Variants in ANKRD36C observed in about 807,000 individuals in gnomAD.
ANKRD36C encodes ankyrin repeat domain 36C.
Under a neutral mutation model 276.4 loss-of-function variants are expected in ANKRD36C, and 61 were observed. The observed-to-expected ratio is 0.22, with a 90% CI of 0.18 to 0.27. The LOEUF is 0.27. Among genes scored for constraint, ANKRD36C ranks in the 10% least tolerant of loss-of-function variants. The pLI, the probability that ANKRD36C is intolerant of heterozygous loss-of-function variation, is 1.00. For missense variants in ANKRD36C, 1,447 were observed against 2,032.3 expected, an observed-to-expected ratio of 0.71 and a Z score of 5.54; for synonymous variants, 483 against 680.1, an observed-to-expected ratio of 0.71 and a Z score of 4.51.
chr2:95,894,947 C>T (rs2104362755), intron 44 of ANKRD36C, among the ~76,000 whole-genome samples: 1 of 150,176 alleles, frequency 6.7e-6, no homozygotes, highest in African/African-American at 2.4e-5. Flanking sequence ...CACAATCCGT[C>T]TTCATTCGGA....
chr2:95,978,642 G>A (rs1025545166), intron 5 of ANKRD36C, among the ~76,000 whole-genome samples: 9 of 152,040 alleles, frequency 5.9e-5, no homozygotes, highest in East Asian at 1.9e-4. Context: ...GAACTTTATC[G>A]CTGAAACTAT....
At chr2:95,859,429 T>A (rs1293372385) in intron 61 of ANKRD36C, among the ~76,000 whole-genome samples, 1 of 152,116 alleles carries the variant, frequency 6.6e-6, no homozygotes, top group African/African-American at 2.4e-5. Context: ...TAAGAACAAT[T>A]TAGAAATATT....
chr2:95,856,974 T>C (rs979999779), intron 62 of ANKRD36C, among the ~76,000 whole-genome samples: 2 of 152,150 alleles, frequency 1.3e-5, no homozygotes, highest in Non-Finnish European at 1.5e-5. Context: ...TATTTGCTAT[T>C]GTGATAACTT....
At chr2:95,882,725 C>T (rs370751210) in intron 54 of ANKRD36C, among the ~76,000 whole-genome samples, 23 of 152,086 alleles carry the variant, frequency 1.5e-4, no homozygotes, top group East Asian at 7.8e-4. Context: ...AGGTATTATG[C>T]GTCATGTGTG....
At chr2:95,965,864 A>G (rs902969240) in intron 6 of ANKRD36C, among the ~76,000 whole-genome samples, 3 of 152,142 alleles carry the variant, frequency 2.0e-5, no homozygotes, top group African/African-American at 7.2e-5. Flanking sequence ...AGGTTTTAAT[A>G]CACAAAATCA....
chr2:95,888,616 T>C (rs1270760008), intron 48 of ANKRD36C, among the ~76,000 whole-genome samples: 1 of 151,766 alleles, frequency 6.6e-6, no homozygotes, highest in African/African-American at 2.4e-5. Flanking sequence ...ACTTTACGTC[T>C]CTTCAGTGGA....
intron 42 of ANKRD36C, 47 bp downstream of exon 53, chr2:95,903,006 T>G: frequency 1.9e-6 from 3 of 1,572,094 alleles, no homozygotes; most frequent in Non-Finnish European, 2.6e-6. Flanking sequence ...GTATGCTTCA[T>G]AGACTATACA....
At chr2:95,983,717 A>C (rs1233766672) in intron 3 of ANKRD36C, among the ~76,000 whole-genome samples, 1 of 151,598 alleles carries the variant, frequency 6.6e-6, no homozygotes, top group Non-Finnish European at 1.5e-5. Context: ...TTCAAGCACG[A>C]GAAATTCTCC....
chr2:95,986,754 G>T (rs770726856), exon 3 of ANKRD36C: 1 of 1,610,900 alleles, frequency 6.2e-7, no homozygotes, highest in Admixed American at 1.7e-5. Flanking sequence ...CCTATACCTC[G>T]CTGCATTCTT....
rs528037888 is a variant in ANKRD36C at position 95,896,511 on chromosome 2, C to T, written c.2755+2634G>A. Among the ~76,000 whole-genome samples the T allele has an allele frequency of 1.6e-4, 24 of 149,934 alleles. No homozygotes were observed. In the South Asian group the frequency reaches 4.4e-3, roughly 27 times the overall value. ...AATAGCTATTTTATCCAAGAGGTAG[C>T]TCCTTGAACAAGGAAGCAAATTTAT... On this transcript the variant is annotated intron_variant, in intron 44 of 66. Coordinates refer to ENST00000456556, the Ensembl canonical transcript of ANKRD36C.
At chr2:95,927,733 T>TTA (rs1375475570) in intron 26 of ANKRD36C, among the ~76,000 whole-genome samples, 4 of 151,632 alleles carry the variant, frequency 2.6e-5, no homozygotes, top group African/African-American at 4.8e-5. Flanking sequence ...CACCTGAGAA[T>TTA]CAATGTCAAA....
At chr2:95,965,707 G>A (rs909383883) in intron 6 of ANKRD36C, among the ~76,000 whole-genome samples, 1 of 152,070 alleles carries the variant, frequency 6.6e-6, no homozygotes, top group Non-Finnish European at 1.5e-5. Context: ...TAAATATGCT[G>A]CAGTCATCAC....
intron 8 of ANKRD36C, 42 bp from the exon 9 acceptor site, chr2:95,960,709 T>A (rs1307686552): frequency 2.5e-6 from 2 of 808,370 alleles, no homozygotes; most frequent in African/African-American, 3.6e-5. Context: ...TATGTAAATA[T>A]GATAAAGTTA....
At chr2:95,856,131 A>G in exon 63 of ANKRD36C, 1 of 1,608,062 alleles carries the variant, frequency 6.2e-7, no homozygotes, top group Non-Finnish European at 8.5e-7. Flanking sequence ...TTCATCTTGC[A>G]TCAAGCGGTT....
intron 42 of ANKRD36C, 72 bp downstream of exon 44, chr2:95,912,172 C>G (rs566797226): frequency 2.4e-5 from 37 of 1,527,028 alleles, no homozygotes; most frequent in South Asian, 1.3e-4. Context: ...ACCAGCCCCC[C>G]ACTGATTTAT....
At chr2:95,981,236 T>A (rs1002697731) in intron 4 of ANKRD36C, among the ~76,000 whole-genome samples, 3 of 151,540 alleles carry the variant, frequency 2.0e-5, no homozygotes, top group Non-Finnish European at 4.4e-5. Context: ...ATGATGCTCA[T>A]AAGCATGTGC....
At chr2:95,921,454 G>GA (rs1436479553) in intron 34 of ANKRD36C, among the ~76,000 whole-genome samples, 153 bp downstream of exon 34, 1 of 151,478 alleles carries the variant, frequency 6.6e-6, no homozygotes, top group African/African-American at 2.4e-5. Flanking sequence ...CGTCACCCAA[G>GA]AATTTATTAC....
intron 16 of ANKRD36C, among the ~76,000 whole-genome samples, chr2:95,949,289 C>A (rs1678134942): frequency 6.6e-6 from 1 of 152,182 alleles, no homozygotes; most frequent in Non-Finnish European, 1.5e-5. Context: ...TATATAGATC[C>A]TGCCTTATTC....
chr2:95,892,107 T>C (rs1241670891), intron 44 of ANKRD36C, among the ~76,000 whole-genome samples: 2 of 151,474 alleles, frequency 1.3e-5, no homozygotes, highest in African/African-American at 2.4e-5. Flanking sequence ...AAAACTAAAA[T>C]AAAACCGTGT....
Sources: gnomAD v4.1 joint callset for allele counts (sites outside exome capture counted in the v4.1 genomes callset) on GRCh38, gnomAD v4.1.1 for gene constraint, MANE v1.5 for transcripts, NCBI Gene and HGNC (gene_info 2026-07-23, HGNC 2026-07-21) for gene names.